The following CLNK variants were observed in gnomAD, a reference collection of about 807,000 sequenced individuals.
CLNK encodes the protein cytokine dependent hematopoietic cell linker.
A neutral mutation model predicts 68.6 loss-of-function variants in CLNK; 74 were observed. The observed-to-expected ratio is 1.08, with a 90% CI of 0.89 to 1.31. The LOEUF is 1.31. CLNK is among the 50% of genes most tolerant of loss of function. The probability of loss-of-function intolerance (pLI) is 0.00; values close to 1 mark genes in which losing one functional copy is unlikely to be tolerated. For synonymous variants in CLNK, 198 were observed against 172.2 expected (o/e 1.15, Z -1.17); for missense variants, 553 against 515.3 (o/e 1.07, Z -0.71).
chr4:10,642,506 G>A (rs1186190898), intron 2 of CLNK, among the ~76,000 whole-genome samples: 1 of 152,128 alleles, frequency 6.6e-6, no homozygotes, highest in Non-Finnish European at 1.5e-5. Context: ...TGGACCATAA[G>A]GATAGAAGCA....
intron 8 of CLNK, among the ~76,000 whole-genome samples, chr4:10,548,751 A>G (rs1719334987): frequency 6.6e-6 from 1 of 152,168 alleles, no homozygotes; most frequent in Non-Finnish European, 1.5e-5. Context: ...GCACATTAAT[A>G]TCTAGTCTCT....
chr4:10,523,394 G>A (rs1242280327), intron 14 of CLNK, among the ~76,000 whole-genome samples: 1 of 152,148 alleles, frequency 6.6e-6, no homozygotes, highest in Non-Finnish European at 1.5e-5. Flanking sequence ...ATAGGGATTT[G>A]GGAATTATCA....
At chr4:10,648,165 A>G (rs1234224480) in intron 2 of CLNK, among the ~76,000 whole-genome samples, 2 of 152,206 alleles carry the variant, frequency 1.3e-5, no homozygotes, top group Non-Finnish European at 2.9e-5. Flanking sequence ...TTACCACGTA[A>G]TGAGATACCT....
At chr4:10,701,957 C>T in the CLNK span, among the ~76,000 whole-genome samples, 4 of 152,128 alleles carry the variant, frequency 2.6e-5, no homozygotes, top group African/African-American at 9.7e-5. Context: ...TATTCAGAGG[C>T]AAAGGCACTG....
intron 2 of CLNK, among the ~76,000 whole-genome samples, chr4:10,607,824 T>C (rs1292483638): frequency 6.6e-6 from 1 of 152,226 alleles, no homozygotes; most frequent in Non-Finnish European, 1.5e-5. Flanking sequence ...AACTATTTTA[T>C]CAACTCATTG....
chr4:10,667,832 G>A (rs1724464839), intron 2 of CLNK, 27 bp downstream of exon 2: 2 of 1,574,158 alleles, frequency 1.3e-6, no homozygotes, highest in Middle Eastern at 1.7e-4. Context: ...AGGGAACTGG[G>A]GCTCACAGTG....
intron 4 of CLNK, among the ~76,000 whole-genome samples, chr4:10,572,554 AT>A (rs888871430): frequency 1.3e-5 from 2 of 152,246 alleles, no homozygotes; most frequent in Non-Finnish European, 2.9e-5. Flanking sequence ...ATCAGGGAGC[AT>A]TTGAAACAAT....
At chr4:10,514,208 A>G (rs1358413905) in intron 15 of CLNK, among the ~76,000 whole-genome samples, 8 of 142,326 alleles carry the variant, frequency 5.6e-5, no homozygotes, top group Non-Finnish European at 1.1e-4. Flanking sequence ...TTATGGCTGC[A>G]TAGTATTCCA....
At chr4:10,694,647 A>G in the CLNK span, among the ~76,000 whole-genome samples, 30 of 152,232 alleles carry the variant, frequency 2.0e-4, no homozygotes, top group Non-Finnish European at 3.8e-4. Context: ...TACACTCTAC[A>G]ATGTTTGCAC....
At chr4:10,505,497 G>A (rs1328230156) in intron 17 of CLNK, among the ~76,000 whole-genome samples, 1 of 152,212 alleles carries the variant, frequency 6.6e-6, no homozygotes, top group Non-Finnish European at 1.5e-5. Context: ...CATGAAATTA[G>A]TGATGTAAAA....
intron 4 of CLNK, among the ~76,000 whole-genome samples, chr4:10,580,410 A>C (rs1334284301): frequency 1.3e-5 from 2 of 152,212 alleles, no homozygotes; most frequent in Admixed American, 6.5e-5. Context: ...TGATTAGAAA[A>C]AGTTAACTGT....
chr4:10,623,646 T>G (rs1722546013), intron 2 of CLNK, among the ~76,000 whole-genome samples: 1 of 152,250 alleles, frequency 6.6e-6, no homozygotes, highest in African/African-American at 2.4e-5. Flanking sequence ...GTATAAACAA[T>G]ATCTAAAGTA....
At chr4:10,587,138 G>GT (rs2108838396) in intron 3 of CLNK, among the ~76,000 whole-genome samples, 1 of 152,088 alleles carries the variant, frequency 6.6e-6, no homozygotes, top group South Asian at 2.1e-4. Context: ...CTAATTTTTT[G>GT]TATTTGTAGT....
the CLNK span, among the ~76,000 whole-genome samples, chr4:10,712,590 G>A: frequency 6.6e-6 from 1 of 152,206 alleles, no homozygotes; most frequent in Admixed American, 6.5e-5. Context: ...CCACAAGTCT[G>A]AAATTATAGT....
intron 4 of CLNK, among the ~76,000 whole-genome samples, chr4:10,572,986 A>G (rs7674488): frequency 0.22 from 33,909 of 151,840 alleles, 4,038 homozygotes; most frequent in African/African-American, 0.29. Flanking sequence ...ACACCACCAC[A>G]CCCAGCTAAT....
At chr4:10,495,344 T>G (rs1307799988) in intron 18 of CLNK, among the ~76,000 whole-genome samples, 1 of 152,204 alleles carries the variant, frequency 6.6e-6, no homozygotes, top group Non-Finnish European at 1.5e-5. Flanking sequence ...TTAAGGCAGG[T>G]GCCTCCTTGG....
chr4:10,633,091 C>T (rs1462113021), intron 2 of CLNK, among the ~76,000 whole-genome samples: 1 of 152,132 alleles, frequency 6.6e-6, no homozygotes, highest in African/African-American at 2.4e-5. Flanking sequence ...GCATGTGCTA[C>T]CACACTAGGC....
At chr4:10,618,232 C>T (rs1560244853) in intron 2 of CLNK, among the ~76,000 whole-genome samples, 2 of 152,124 alleles carry the variant, frequency 1.3e-5, no homozygotes, top group Non-Finnish European at 2.9e-5. Context: ...ATCAACTAAC[C>T]TCAAAAATAT....
chr4:10,611,554 G>C (rs1415880366), intron 2 of CLNK, among the ~76,000 whole-genome samples: 2 of 152,002 alleles, frequency 1.3e-5, no homozygotes, highest in Non-Finnish European at 2.9e-5. Context: ...AGCTGGGAGG[G>C]GCCTCCCGTG....
Sources: gnomAD v4.1 joint callset for allele counts (sites outside exome capture counted in the v4.1 genomes callset) on GRCh38, gnomAD v4.1.1 for gene constraint, MANE v1.5 for transcripts, NCBI Gene and HGNC (gene_info 2026-07-23, HGNC 2026-07-21) for gene names.